The following ITPR2 variants were observed in gnomAD, a reference collection of about 807,000 sequenced individuals.
ITPR2 encodes inositol 1,4,5-trisphosphate receptor type 2, also known as inositol 1,4,5-trisphosphate-gated calcium channel ITPR2.
In ITPR2, 207 loss-of-function variants were observed where a neutral mutation model predicts 317.1. The observed-to-expected ratio is 0.65, with a 90% CI of 0.58 to 0.73. The LOEUF (loss-of-function observed/expected upper bound fraction) is 0.73, where lower values mean the gene tolerates loss of function less well. Among genes scored for constraint, ITPR2 ranks in the 30% least tolerant of loss-of-function variants. The probability of loss-of-function intolerance (pLI) is 0.00; values close to 1 mark genes in which losing one functional copy is unlikely to be tolerated. For missense variants in ITPR2, 2,613 were observed against 3,284.0 expected (o/e 0.80, Z 4.99); for synonymous variants, 1,156 against 1,149.1 (o/e 1.01, Z -0.12).
In ITPR2 at chr12:26,533,740, C is replaced by T. The variant is rs1329528038; in HGVS notation, c.5073+16507G>A. ...TGGCCATCTACAAGCCAAGGAGAAA[C>T]ACCTGGGACAGTTCCTTCTCTCCTG... On this transcript the variant is annotated intron_variant, in intron 37 of 56. Transcript: ENST00000381340. 2.0e-5 allele frequency among the ~76,000 whole-genome samples: 3 copies of T among 152,240 alleles called. No individual in the cohort carries two copies. In the East Asian group the frequency reaches 5.8e-4, roughly 29 times the overall value.
chr12:26,362,739 A>C (rs762148468), intron 55 of ITPR2, among the ~76,000 whole-genome samples: 1 of 152,116 alleles, frequency 6.6e-6, no homozygotes, highest in East Asian at 1.9e-4. Flanking sequence ...TTAGAGCCCA[A>C]CCATTATCGA....
At position 26,340,224 on chromosome 12, in the gene ITPR2, T is replaced by C; in HGVS notation, c.7962A>G (p.Glu2654=). The C allele has an allele frequency of 6.2e-7, 1 of 1,611,288 alleles. No individual in the cohort carries two copies. Among genetic ancestry groups the C allele is most frequent in the South Asian group, 1.1e-5 (1 of 90,130 alleles). Residue 2654 remains glutamate, a synonymous_variant, in exon 56 of 57, where the codon GAA becomes GAG. Transcript: ENST00000381340. ...GCTGTTTGACCAGACTCATGGTCGA[T>C]TCCAACTTCTCCTGAAGGCTCCGAA... ...NEIRSLQEKL[E]STMSLVKQLS... is the part of the protein sequence containing the mutation.
chr12:26,824,469 A>G (rs1950983191), intron 1 of ITPR2, among the ~76,000 whole-genome samples: 1 of 152,224 alleles, frequency 6.6e-6, no homozygotes, highest in Non-Finnish European at 1.5e-5. Context: ...TAACCAGGAA[A>G]AAAAATTTCA....
chr12:26,515,051 A>T (rs1943449723), intron 37 of ITPR2, among the ~76,000 whole-genome samples: 1 of 152,250 alleles, frequency 6.6e-6, no homozygotes, highest in South Asian at 2.1e-4. Context: ...TTTCTACCTC[A>T]GTAGCAAAAT....
chr12:26,529,398 G>C (rs1446748321), intron 37 of ITPR2, among the ~76,000 whole-genome samples: 1 of 152,146 alleles, frequency 6.6e-6, no homozygotes, highest in African/African-American at 2.4e-5. Flanking sequence ...AGCTGCTAAT[G>C]CAGATCTTTG....
chr12:26,352,305 C>T (rs1162073948), intron 55 of ITPR2, among the ~76,000 whole-genome samples: 5 of 152,160 alleles, frequency 3.3e-5, no homozygotes, highest in Admixed American at 3.3e-4. Flanking sequence ...GGCTTCTGGC[C>T]GTGGTGATGC....
intron 11 of ITPR2, among the ~76,000 whole-genome samples, chr12:26,684,872 G>A (rs1948097294): frequency 6.6e-6 from 1 of 151,996 alleles, no homozygotes; most frequent in African/African-American, 2.4e-5. Flanking sequence ...GTCCTGGGAG[G>A]AGAAAGCCAG....
At chr12:26,790,972 T>C (rs1182637323) in intron 1 of ITPR2, among the ~76,000 whole-genome samples, 5 of 152,254 alleles carry the variant, frequency 3.3e-5, no homozygotes, top group African/African-American at 1.2e-4. Context: ...TTCCATTTAA[T>C]GGACAAATAA....
intron 45 of ITPR2, among the ~76,000 whole-genome samples, chr12:26,472,050 A>G (rs1417748134): frequency 6.6e-6 from 1 of 152,274 alleles, no homozygotes; most frequent in Non-Finnish European, 1.5e-5. Context: ...CAGAAAGATC[A>G]GCAGAGCACA....
intron 55 of ITPR2, among the ~76,000 whole-genome samples, chr12:26,371,624 A>G (rs1410608470): frequency 6.6e-6 from 1 of 152,224 alleles, no homozygotes; most frequent in African/African-American, 2.4e-5. Context: ...GGTGAAGGGA[A>G]CAGCAGAAGC....
intron 37 of ITPR2, 122 bp downstream of exon 37, chr12:26,550,125 A>G: frequency 4.2e-6 from 2 of 481,186 alleles, no homozygotes. Flanking sequence ...TAATTCATCT[A>G]AGTACATGCA....
chr12:26,418,568 T>C (rs1422432173), intron 50 of ITPR2, among the ~76,000 whole-genome samples: 2 of 152,182 alleles, frequency 1.3e-5, no homozygotes, highest in African/African-American at 2.4e-5. Flanking sequence ...TATAAGACTG[T>C]TCTTAAAACA....
chr12:26,764,335 A>C (rs1028014481), intron 2 of ITPR2, among the ~76,000 whole-genome samples: 3 of 152,106 alleles, frequency 2.0e-5, no homozygotes, highest in Admixed American at 1.3e-4. Context: ...CAATCCGTGA[A>C]AGAATCAAAT....
chr12:26,705,122 C>A (rs1244004556), intron 9 of ITPR2, among the ~76,000 whole-genome samples: 1 of 152,074 alleles, frequency 6.6e-6, no homozygotes, highest in Admixed American at 6.5e-5. Flanking sequence ...TTATAAAAAT[C>A]ATCTAATAGG....
intron 55 of ITPR2, among the ~76,000 whole-genome samples, chr12:26,373,338 C>A (rs7978483): frequency 0.8 from 121,031 of 152,134 alleles, 48,122 homozygotes; most frequent in Admixed American, 0.83. Flanking sequence ...CTCTTCTCAA[C>A]GTCATAGGCC....
chr12:26,593,802 C>T (rs1427620155), intron 32 of ITPR2, among the ~76,000 whole-genome samples: 2 of 151,404 alleles, frequency 1.3e-5, no homozygotes, highest in Admixed American at 6.6e-5. Context: ...GCAAATACAT[C>T]GGTGAAAACG....
At chr12:26,457,565 C>G (rs568503010) in intron 45 of ITPR2, among the ~76,000 whole-genome samples, 1 of 152,168 alleles carries the variant, frequency 6.6e-6, no homozygotes, top group South Asian at 2.1e-4. Context: ...AACAGAAGCA[C>G]GAAGAGTCAG....
At chr12:26,662,421 ACT>A (rs1947523722) in intron 15 of ITPR2, among the ~76,000 whole-genome samples, 1 of 152,006 alleles carries the variant, frequency 6.6e-6, no homozygotes. Flanking sequence ...AATACTACTA[ACT>A]CTTCCCAAAT....
chr12:26,555,672 G>A (rs1048604744), intron 36 of ITPR2, among the ~76,000 whole-genome samples: 1 of 152,134 alleles, frequency 6.6e-6, no homozygotes, highest in Non-Finnish European at 1.5e-5. Context: ...ACGGAAGAGC[G>A]GCAGATGAGG....
Sources: gnomAD v4.1 joint callset for allele counts (sites outside exome capture counted in the v4.1 genomes callset) on GRCh38, gnomAD v4.1.1 for gene constraint, MANE v1.5 for transcripts, NCBI Gene and HGNC (gene_info 2026-07-23, HGNC 2026-07-21) for gene names.